Variants in SBF2 observed in about 807,000 individuals in gnomAD.
The protein encoded by SBF2 is SET binding factor 2, also known as myotubularin-related protein 13.
Under a neutral mutation model 225.2 loss-of-function variants are expected in SBF2, and 112 were observed. The observed-to-expected ratio is 0.50, with a 90% CI of 0.43 to 0.58. SBF2 has a LOEUF of 0.58. SBF2 is among the 20% of genes least tolerant of loss of function. The pLI, the probability that SBF2 is intolerant of heterozygous loss-of-function variation, is 0.00. For missense variants in SBF2, 1,996 were observed against 2,206.2 expected (o/e 0.90, Z 1.91); for synonymous variants, 763 against 773.3 (o/e 0.99, Z 0.22).
At chr11:9,990,193 G>A (rs944997392) in intron 12 of SBF2, among the ~76,000 whole-genome samples, 1 of 152,042 alleles carries the variant, frequency 6.6e-6, no homozygotes, top group African/African-American at 2.4e-5. Flanking sequence ...TTGTGGGGGG[G>A]TAAATAGATG....
chr11:10,170,578 T>A (rs568922081), intron 2 of SBF2, among the ~76,000 whole-genome samples: 19 of 152,236 alleles, frequency 1.2e-4, no homozygotes, highest in East Asian at 7.7e-4. Context: ...CCAGTTTTTT[T>A]AATTTTATTT....
intron 2 of SBF2, among the ~76,000 whole-genome samples, chr11:10,082,932 G>C (rs946984996): frequency 1.3e-5 from 2 of 152,056 alleles, no homozygotes; most frequent in African/African-American, 2.4e-5. Context: ...AATTGGAAAA[G>C]AATTCAAATG....
chr11:10,270,519 T>C (rs909815548), intron 1 of SBF2, among the ~76,000 whole-genome samples: 1 of 152,178 alleles, frequency 6.6e-6, no homozygotes, highest in Non-Finnish European at 1.5e-5. Flanking sequence ...GAAGGGTTAT[T>C]CTTGCTGTCT....
intron 1 of SBF2, among the ~76,000 whole-genome samples, chr11:10,233,724 G>A (rs1958951775): frequency 1.3e-5 from 2 of 151,996 alleles, no homozygotes; most frequent in South Asian, 4.1e-4. Flanking sequence ...TTAGCTATTA[G>A]AGCCTTCAGG....
intron 16 of SBF2, among the ~76,000 whole-genome samples, chr11:9,910,622 T>C (rs1862520967): frequency 6.6e-6 from 1 of 152,030 alleles, no homozygotes; most frequent in Admixed American, 6.6e-5. Context: ...AAGACAGTGA[T>C]ATGGATGATC....
intron 16 of SBF2, among the ~76,000 whole-genome samples, chr11:9,952,966 A>T (rs1338432741): frequency 6.6e-6 from 1 of 152,250 alleles, no homozygotes; most frequent in Non-Finnish European, 1.5e-5. Context: ...TGTGGAAAAC[A>T]GTGTGGAGAT....
At chr11:9,917,363 CCT>C (rs1491020956) in intron 16 of SBF2, among the ~76,000 whole-genome samples, 42 of 151,472 alleles carry the variant, frequency 2.8e-4, no homozygotes, top group African/African-American at 4.9e-5. Flanking sequence ...ACAGAATCTC[CCT>C]CTGTCACCCA....
At chr11:10,204,016 C>T (rs554681255) in intron 1 of SBF2, among the ~76,000 whole-genome samples, 7 of 151,996 alleles carry the variant, frequency 4.6e-5, no homozygotes, top group African/African-American at 1.2e-4. Context: ...AAACTATAAA[C>T]ACACTGATCA....
At chr11:10,130,443 A>G (rs1256617358) in intron 2 of SBF2, among the ~76,000 whole-genome samples, 1 of 152,106 alleles carries the variant, frequency 6.6e-6, no homozygotes, top group Non-Finnish European at 1.5e-5. Context: ...TTTATTTTAA[A>G]ATTATAGAAA....
chr11:9,958,989 G>T, intron 16 of SBF2: 1 of 861,670 alleles, frequency 1.2e-6, no homozygotes, highest in Non-Finnish European at 1.9e-6. Flanking sequence ...TTAGTTTCTT[G>T]ATGGCCTCCT....
chr11:9,780,663 G>A, intron 39 of SBF2, 147 bp from the exon 40 acceptor site: 1 of 711,552 alleles, frequency 1.4e-6, no homozygotes, highest in Non-Finnish European at 2.5e-6. Flanking sequence ...CTACCATACT[G>A]TTATTGCCTT....
chr11:9,841,797 G>C (rs1177263697), intron 25 of SBF2, among the ~76,000 whole-genome samples: 1 of 152,168 alleles, frequency 6.6e-6, no homozygotes, highest in Admixed American at 6.5e-5. Context: ...GCCTCCCAAA[G>C]TGCTGGGATT....
chr11:10,043,367 C>G (rs1402245117), intron 2 of SBF2, among the ~76,000 whole-genome samples: 1 of 152,084 alleles, frequency 6.6e-6, no homozygotes, highest in African/African-American at 2.4e-5. Context: ...TTTAAATTTC[C>G]ATATGAATCT....
chr11:10,290,541 G>C (rs1964097647), intron 1 of SBF2, among the ~76,000 whole-genome samples: 1 of 152,122 alleles, frequency 6.6e-6, no homozygotes. Context: ...GACTGGGGTA[G>C]GGGGATGGAG....
intron 9 of SBF2, among the ~76,000 whole-genome samples, chr11:9,997,311 G>A (rs537322088): frequency 1.2e-4 from 18 of 152,220 alleles, no homozygotes; most frequent in Non-Finnish European, 2.4e-4. Flanking sequence ...CACCTAAAAG[G>A]CTATCAGTAA....
At chr11:10,044,189 A>G (rs571924787) in intron 2 of SBF2, among the ~76,000 whole-genome samples, 1 of 152,260 alleles carries the variant, frequency 6.6e-6, no homozygotes, top group Admixed American at 6.5e-5. Context: ...AGAAAAATCA[A>G]TAAAATAAAA....
chr11:10,256,232 T>G (rs1035259548), intron 1 of SBF2, among the ~76,000 whole-genome samples: 4 of 152,186 alleles, frequency 2.6e-5, no homozygotes, highest in African/African-American at 9.7e-5. Context: ...ATTGTCAAAA[T>G]TTAGCTTCCC....
intron 1 of SBF2, among the ~76,000 whole-genome samples, chr11:10,197,338 G>C (rs1314939338): frequency 6.6e-6 from 1 of 152,146 alleles, no homozygotes; most frequent in African/African-American, 2.4e-5. Context: ...AGTGAATATT[G>C]CAATAATGTG....
intron 2 of SBF2, among the ~76,000 whole-genome samples, chr11:10,105,822 A>T (rs1018163242): frequency 6.6e-6 from 1 of 152,198 alleles, no homozygotes; most frequent in Non-Finnish European, 1.5e-5. Context: ...TAGCTATATC[A>T]AACTCTAAAA....
Sources: allele counts gnomAD v4.1 joint callset (sites outside exome capture counted in the v4.1 genomes callset), GRCh38; gene constraint gnomAD v4.1.1; transcripts MANE v1.5; gene names NCBI Gene and HGNC (gene_info 2026-07-23, HGNC 2026-07-21).